MGMT: variants seen among roughly 807,000 people sequenced by gnomAD.
MGMT encodes the protein O-6-methylguanine-DNA methyltransferase.
Under a neutral mutation model 15.9 loss-of-function variants are expected in MGMT, and 14 were observed. That is an observed-to-expected ratio of 0.88 (90% CI 0.58 to 1.37). MGMT has a LOEUF of 1.37. Among genes scored for constraint, MGMT ranks in the 40% most tolerant of loss-of-function variants. The pLI, the probability that MGMT is intolerant of heterozygous loss-of-function variation, is 0.00. For missense variants in MGMT, 282 were observed against 268.1 expected (o/e 1.05, Z -0.36); for synonymous variants, 130 against 118.2 (o/e 1.10, Z -0.65).
intron 2 of MGMT, among the ~76,000 whole-genome samples, chr10:129,565,431 A>C (rs918098339): frequency 3.9e-5 from 6 of 152,178 alleles, no homozygotes; most frequent in Non-Finnish European, 7.4e-5. Context: ...AGCCTCTTTG[A>C]CGAGTGTTGT....
rs1327092964 is a variant in MGMT at position 129,770,093 on chromosome 10, C to T, written c.*3096C>T. Among the ~76,000 whole-genome samples the T allele has an allele frequency of 2.0e-5, 3 of 152,218 alleles. No individual in the cohort carries two copies. Among genetic ancestry groups the T allele is most frequent in the Non-Finnish European group, 2.9e-5 (2 of 68,042 alleles). On this transcript the variant is annotated 3_prime_UTR_variant, in exon 5 of 5. Coordinates refer to ENST00000651593, the MANE Select transcript of MGMT (RefSeq NM_002412.5). ...CTAGCAACTGAAACCATCTCTGCGACTTAAGCTTCTCTGGTGCGTCGCGCC... is the reference window on the plus strand; with the variant it reads ...CTAGCAACTGAAACCATCTCTGCGATTTAAGCTTCTCTGGTGCGTCGCGCC...
intron 2 of MGMT, among the ~76,000 whole-genome samples, chr10:129,612,423 AG>A (rs762747626): frequency 1.3e-5 from 2 of 152,230 alleles, no homozygotes; most frequent in Non-Finnish European, 2.9e-5. Context: ...CTGGCTGCGG[AG>A]GAAGTCCATT....
At chr10:129,597,790 C>T (rs150780484) in intron 2 of MGMT, among the ~76,000 whole-genome samples, 4 of 152,330 alleles carry the variant, frequency 2.6e-5, no homozygotes, top group African/African-American at 4.8e-5. Flanking sequence ...GTGTGACATA[C>T]TTCCTATCTC....
At chr10:129,612,950 C>G (rs75623825) in intron 2 of MGMT, among the ~76,000 whole-genome samples, 10 of 152,286 alleles carry the variant, frequency 6.6e-5, no homozygotes, top group African/African-American at 2.4e-4. Context: ...CATCCTGTAA[C>G]ATTGTTTGGT....
chr10:129,690,725 G>A (rs891493239), intron 2 of MGMT, among the ~76,000 whole-genome samples: 10 of 152,172 alleles, frequency 6.6e-5, no homozygotes, highest in African/African-American at 2.4e-4. Context: ...TCCCAGGAGT[G>A]GGAAGGCCTG....
chr10:129,738,253 C>G (rs367920224), intron 3 of MGMT, among the ~76,000 whole-genome samples: 1 of 152,214 alleles, frequency 6.6e-6, no homozygotes, highest in African/African-American at 2.4e-5. Context: ...ATATAATCTC[C>G]TGGTGCGCCG....
chr10:129,480,091 A>G (rs1845340718), intron 1 of MGMT, among the ~76,000 whole-genome samples: 2 of 152,336 alleles, frequency 1.3e-5, no homozygotes, highest in Admixed American at 6.5e-5. Context: ...TTAAAACTTC[A>G]TAATGCCTGG....
rs75835746 is a variant in MGMT, at chr10:129,516,242, C to T, written c.-12-19999C>T. Reference sequence around the variant, plus strand: ...CTGTATGGTGGGCAAGATCTCATCACGACCCACATCAGCTTTGCTGTTAGA... The same window carrying T: ...CTGTATGGTGGGCAAGATCTCATCATGACCCACATCAGCTTTGCTGTTAGA... On this transcript the variant is annotated intron_variant, in intron 1 of 4. Coordinates refer to ENST00000651593, the MANE Select transcript of MGMT (RefSeq NM_002412.5). Among the ~76,000 whole-genome samples, 801 of 152,358 alleles carry T rather than the reference C, an allele frequency of 5.3e-3. 11 individuals are homozygous for T. The highest frequency in any genetic ancestry group is 0.018 in the African/African-American group (767 of 41,566).
At chr10:129,601,412 T>C (rs192747116) in intron 2 of MGMT, among the ~76,000 whole-genome samples, 96 of 152,332 alleles carry the variant, frequency 6.3e-4, no homozygotes, top group Middle Eastern at 6.8e-3. Flanking sequence ...TTCATTCTCC[T>C]TTGGCTTAAG....
At chr10:129,739,112 T>C (rs1181933703) in intron 3 of MGMT, among the ~76,000 whole-genome samples, 1 of 152,222 alleles carries the variant, frequency 6.6e-6, no homozygotes, top group East Asian at 1.9e-4. Flanking sequence ...CAGCGCTTCA[T>C]GCTAAAAACT....
At chr10:129,598,250 A>G (rs1206361703) in intron 2 of MGMT, among the ~76,000 whole-genome samples, 1 of 151,776 alleles carries the variant, frequency 6.6e-6, no homozygotes, top group Non-Finnish European at 1.5e-5. Flanking sequence ...TTCTCAGAGC[A>G]GACTTAGGAG....
intron 1 of MGMT, among the ~76,000 whole-genome samples, chr10:129,508,522 T>A (rs1359917729): frequency 2.1e-5 from 1 of 47,650 alleles, no homozygotes; most frequent in Non-Finnish European, 4.4e-5. Context: ...CTTTCTTTCT[T>A]TTTTTTTTTT....
At chr10:129,736,717 T>G (rs1362251199) in intron 3 of MGMT, among the ~76,000 whole-genome samples, 3 of 152,204 alleles carry the variant, frequency 2.0e-5, no homozygotes, top group Admixed American at 1.3e-4. Context: ...CTTTCCATGT[T>G]TAGTGCTTCC....
chr10:129,766,724 C>A, intron 4 of MGMT, 64 bp from the exon 5 acceptor site: 1 of 1,473,862 alleles, frequency 6.8e-7, no homozygotes, highest in Non-Finnish European at 9.2e-7. Context: ...GGGCCTTGGC[C>A]TTGACCCCAA....
At chr10:129,613,905 C>G (rs940264890) in intron 2 of MGMT, among the ~76,000 whole-genome samples, 1 of 152,222 alleles carries the variant, frequency 6.6e-6, no homozygotes, top group Non-Finnish European at 1.5e-5. Flanking sequence ...CATGGCTTGG[C>G]TAATTCATGG....
At chr10:129,580,773 C>T (rs1244030389) in intron 2 of MGMT, among the ~76,000 whole-genome samples, 2 of 152,210 alleles carry the variant, frequency 1.3e-5, no homozygotes, top group African/African-American at 2.4e-5. Flanking sequence ...ACCACAGACA[C>T]CCCACAACTG....
chr10:129,694,413 G>A (rs899672811), intron 2 of MGMT: 23 of 152,158 alleles, frequency 1.5e-4, no homozygotes, highest in African/African-American at 4.6e-4. Flanking sequence ...TGGAGCTTAC[G>A]GTCCACAGAC....
rs192624520 is a variant in MGMT at position 129,520,054 on chromosome 10, A to G, written c.-12-16187A>G. Reference sequence around the variant, plus strand: ...AATTCCAGAAAACGTTTGTGACAGCATCACTGTTGAGGTTGTAGTGCCACA... The same window carrying G: ...AATTCCAGAAAACGTTTGTGACAGCGTCACTGTTGAGGTTGTAGTGCCACA... On this transcript the variant is annotated intron_variant, in intron 1 of 4. Coordinates refer to ENST00000651593, the MANE Select transcript of MGMT (RefSeq NM_002412.5). Among the ~76,000 whole-genome samples the G allele has an allele frequency of 2.4e-3, 361 of 152,320 alleles. 1 individual carries two copies. The highest frequency in any genetic ancestry group is 8.3e-3 in the African/African-American group (345 of 41,576).
At chr10:129,527,347 G>A (rs1290366985) in intron 1 of MGMT, among the ~76,000 whole-genome samples, 5 of 152,172 alleles carry the variant, frequency 3.3e-5, no homozygotes, top group Non-Finnish European at 7.3e-5. Context: ...TAAACATTTG[G>A]GTCTTCCACG....
Sources: allele counts gnomAD v4.1 joint callset (sites outside exome capture counted in the v4.1 genomes callset), GRCh38; gene constraint gnomAD v4.1.1; transcripts MANE v1.5; gene names NCBI Gene and HGNC (gene_info 2026-07-23, HGNC 2026-07-21).